The following CUX1 variants were observed in gnomAD, a reference collection of about 807,000 sequenced individuals.
The protein encoded by CUX1 is protein CASP.
Under a neutral mutation model 158.8 loss-of-function variants are expected in CUX1, and 31 were observed. The observed-to-expected ratio is 0.20, with a 90% CI of 0.15 to 0.26. CUX1 has a LOEUF of 0.26. Among genes scored for constraint, CUX1 ranks in the 10% least tolerant of loss-of-function variants. The pLI, the probability that CUX1 is intolerant of heterozygous loss-of-function variation, is 1.00. For synonymous variants in CUX1, 879 were observed against 862.1 expected (o/e 1.02, Z -0.34); for missense variants, 1,589 against 2,014.6 (o/e 0.79, Z 4.04).
At chr7:101,922,206 GA>G (rs1244271492) in intron 2 of CUX1, among the ~76,000 whole-genome samples, 2 of 152,188 alleles carry the variant, frequency 1.3e-5, no homozygotes, top group Non-Finnish European at 2.9e-5. Context: ...TTGGCCCTGG[GA>G]ATAAAACCCT....
At chr7:101,868,910 G>T (rs1798197449) in intron 1 of CUX1, among the ~76,000 whole-genome samples, 1 of 152,172 alleles carries the variant, frequency 6.6e-6, no homozygotes, top group Admixed American at 6.5e-5. Context: ...GACTGAATCT[G>T]AACGGGAGAG....
chr7:102,152,724 G>A (rs117686599), intron 8 of CUX1, among the ~76,000 whole-genome samples: 12 of 152,166 alleles, frequency 7.9e-5, no homozygotes, highest in Admixed American at 2.0e-4. Context: ...GCGTTTCCTC[G>A]CCAACTGCAT....
At chr7:102,176,683 C>T (rs427087) in intron 10 of CUX1, among the ~76,000 whole-genome samples, 480 of 151,650 alleles carry the variant, frequency 3.2e-3, no homozygotes, top group South Asian at 7.9e-3. Flanking sequence ...GCAATCCTCC[C>T]GCCCCAGCCT....
chr7:102,163,123 G>A (rs1554507701), intron 9 of CUX1, among the ~76,000 whole-genome samples: 2 of 152,180 alleles, frequency 1.3e-5, no homozygotes, highest in African/African-American at 4.8e-5. Context: ...TTTCCAGCAG[G>A]AAAAGAAGTG....
chr7:102,104,325 C>G lies in CUX1; in HGVS notation c.407-11C>G. 1.4e-6 allele frequency: 2 copies of G among 1,443,260 alleles called. No individual in the cohort carries two copies. The allele number at this position is 1,443,260 out of a possible 1,614,324, so 89.4% of individuals were successfully genotyped here. Reference sequence around the variant, plus strand: ...TCTCTTACTGTAGGTTTTTTTTTTTCTTTTCTGCAGAGGTTACGATAAAAG... The same window carrying G: ...TCTCTTACTGTAGGTTTTTTTTTTTGTTTTCTGCAGAGGTTACGATAAAAG... On this transcript the variant is annotated splice_polypyrimidine_tract_variant and intron_variant, in intron 5 of 23. Coordinates refer to ENST00000292535, the MANE Select transcript of CUX1 (RefSeq NM_181552.4).
intron 1 of CUX1, among the ~76,000 whole-genome samples, chr7:101,830,175 T>C (rs1295930359): frequency 6.6e-6 from 1 of 152,158 alleles, no homozygotes; most frequent in African/African-American, 2.4e-5. Flanking sequence ...TCCAAGCCCC[T>C]GGGAAACTGG....
chr7:102,240,227 T>A (rs182073546), intron 23 of CUX1, among the ~76,000 whole-genome samples: 84 of 152,206 alleles, frequency 5.5e-4, no homozygotes, highest in African/African-American at 1.9e-3. Flanking sequence ...GAGTGAAACT[T>A]TTGTGGTTTA....
intron 8 of CUX1, among the ~76,000 whole-genome samples, chr7:102,146,906 G>A (rs782440755): frequency 6.6e-6 from 1 of 152,082 alleles, no homozygotes; most frequent in Non-Finnish European, 1.5e-5. Context: ...GCCTAAACTT[G>A]TTTTTAATCA....
intron 1 of CUX1, among the ~76,000 whole-genome samples, chr7:101,871,331 T>A (rs560908351): frequency 6.6e-6 from 1 of 151,860 alleles, no homozygotes; most frequent in South Asian, 2.1e-4. Flanking sequence ...CTTTTTTTTT[T>A]TTTGTTAACA....
intron 2 of CUX1, among the ~76,000 whole-genome samples, chr7:101,955,181 C>T (rs576828384): frequency 6.7e-6 from 1 of 150,102 alleles, no homozygotes; most frequent in African/African-American, 2.4e-5. Flanking sequence ...AAAAAAAATG[C>T]AGGTTCAAGG....
intron 19 of CUX1, among the ~76,000 whole-genome samples, chr7:102,204,884 A>C (rs2132069876): frequency 6.6e-6 from 1 of 152,366 alleles, no homozygotes; most frequent in Non-Finnish European, 1.5e-5. Flanking sequence ...TCAGGAAAGA[A>C]AGTCAGCCAA....
chr7:102,210,726 G>A (rs1796426986), intron 20 of CUX1, among the ~76,000 whole-genome samples: 1 of 152,168 alleles, frequency 6.6e-6, no homozygotes, highest in South Asian at 2.1e-4. Context: ...TTCCCAGTCA[G>A]CCAACAGAGT....
chr7:102,170,674 T>C (rs1303503695), intron 10 of CUX1, 124 bp downstream of exon 10: 1 of 645,940 alleles, frequency 1.5e-6, no homozygotes, highest in East Asian at 2.8e-5. Flanking sequence ...CTAGTACTGC[T>C]TTCTCGGTGG....
At chr7:102,003,329 CA>C (rs1816933804) in intron 2 of CUX1, among the ~76,000 whole-genome samples, 1 of 151,666 alleles carries the variant, frequency 6.6e-6, no homozygotes, top group African/African-American at 2.4e-5. Flanking sequence ...CACACACACA[CA>C]CACACGCCCG....
At chr7:102,230,230 C>T (rs1487952391) in intron 21 of CUX1, among the ~76,000 whole-genome samples, 2 of 151,952 alleles carry the variant, frequency 1.3e-5, no homozygotes, top group African/African-American at 2.4e-5. Flanking sequence ...AACCCTAGCA[C>T]TTTGGGAGGC....
chr7:101,870,822 T>G (rs1798445593), intron 1 of CUX1, among the ~76,000 whole-genome samples: 1 of 152,258 alleles, frequency 6.6e-6, no homozygotes, highest in African/African-American at 2.4e-5. Context: ...GAGGACAGTA[T>G]AGAGTTTTGC....
intron 2 of CUX1, among the ~76,000 whole-genome samples, chr7:101,977,340 G>A (rs929985870): frequency 5.3e-5 from 8 of 152,004 alleles, no homozygotes; most frequent in African/African-American, 1.9e-4. Flanking sequence ...CCCTACATTG[G>A]CTGCCACTCC....
intron 10 of CUX1, 74 bp from the exon 11 acceptor site, chr7:102,178,395 G>T: frequency 7.2e-7 from 1 of 1,397,392 alleles, no homozygotes; most frequent in Non-Finnish European, 9.8e-7. Context: ...TTCTGTCTCA[G>T]TTGCCAGCAC....
intron 3 of CUX1, among the ~76,000 whole-genome samples, chr7:102,057,746 A>T (rs1052138081): frequency 1.7e-4 from 26 of 152,188 alleles, no homozygotes; most frequent in African/African-American, 5.3e-4. Context: ...GTTTCTTGAG[A>T]TGGAAACTAC....
Sources: gnomAD v4.1 joint callset for allele counts (sites outside exome capture counted in the v4.1 genomes callset) on GRCh38, gnomAD v4.1.1 for gene constraint, MANE v1.5 for transcripts, NCBI Gene and HGNC (gene_info 2026-07-23, HGNC 2026-07-21) for gene names.